Variants in CMTR2 observed in about 807,000 individuals in gnomAD.
The protein encoded by CMTR2 is cap methyltransferase 2.
Under a neutral mutation model 49.8 loss-of-function variants are expected in CMTR2, and 40 were observed. The observed-to-expected ratio is 0.80, with a 90% CI of 0.62 to 1.04. The LOEUF (loss-of-function observed/expected upper bound fraction) is 1.04, where lower values mean the gene tolerates loss of function less well. CMTR2 is among the 50% of genes least tolerant of loss of function. CMTR2 has a pLI of 0.00. For synonymous variants in CMTR2, 326 were observed against 315.8 expected (o/e 1.03, Z -0.34); for missense variants, 907 against 897.2 (o/e 1.01, Z -0.14).
At position 71,283,523 on chromosome 16, in the gene CMTR2, A is replaced by G. The variant is rs776712603; in HGVS notation, c.*85T>C. 2.1e-6 allele frequency: 3 copies of G among 1,456,230 alleles called. No homozygotes were observed. Among genetic ancestry groups the G allele is most frequent in the Non-Finnish European group, 2.8e-6 (3 of 1,090,570 alleles). The allele number at this position is 1,456,230 out of a possible 1,614,324, so 90.2% of individuals were successfully genotyped here. ...AATGTTGGCCTTTCCCCAAAATAAA[A>G]GGTTTTTAAATTAATAGAGCAACAG... On this transcript the variant is annotated 3_prime_UTR_variant, in exon 3 of 3. Transcript: ENST00000434935.
At position 71,282,725 on chromosome 16, in the gene CMTR2, T is replaced by C. The variant is rs777280940; in HGVS notation, c.*883A>G. On this transcript the variant is annotated 3_prime_UTR_variant, in exon 3 of 3. Transcript: ENST00000434935. ...AAAGTCTGAAGCGTTTTCTTTAGTA[T>C]TCACTATGTTCATCACATTCATGTG... 3.9e-5 allele frequency: 6 copies of C among 152,262 alleles called. No homozygotes were observed. Among genetic ancestry groups the C allele is most frequent in the Non-Finnish European group, 8.8e-5 (6 of 67,988 alleles). 9.4% of individuals were successfully genotyped at this position (152,262 alleles called of 1,614,324 possible).
rs901621817 is a variant in CMTR2, at chr16:71,281,444, G to A, written c.*2164C>T. On this transcript the variant is annotated 3_prime_UTR_variant, in exon 3 of 3. Transcript: ENST00000434935. Reference sequence around the variant, plus strand: ...ACAAATTAAAAATCTCAAAACCTGTGGAAAAAAGTTTTTAAGAACAGTCTA... The same window carrying A: ...ACAAATTAAAAATCTCAAAACCTGTAGAAAAAAGTTTTTAAGAACAGTCTA... 6.6e-6 allele frequency: 1 copy of A among 151,752 alleles called. No homozygotes were observed. The highest frequency in any genetic ancestry group is 1.5e-5 in the Non-Finnish European group (1 of 67,776). 9.4% of individuals were successfully genotyped at this position (151,752 alleles called of 1,614,324 possible).
Position 71,281,560 on chromosome 16 carries a change from TAA to T in CMTR2, c.*2046_*2047del, listed in dbSNP as rs1452269793. On this transcript the variant is annotated 3_prime_UTR_variant, in exon 3 of 3. Transcript: ENST00000434935. Reference sequence around the variant, plus strand: ...ATAGCATTTTTCCTCTCCTTTCTCTTAAAGAGAAACTCATATAAATCATTAGT... The same window carrying T: ...ATAGCATTTTTCCTCTCCTTTCTCTTAGAGAAACTCATATAAATCATTAGT... The T allele has an allele frequency of 6.6e-6, 1 of 151,986 alleles. No homozygotes were observed. The highest frequency in any genetic ancestry group is 1.5e-5 in the Non-Finnish European group (1 of 67,862). The allele number at this position is 151,986 out of a possible 1,614,324, so 9.4% of individuals were successfully genotyped here. A position where few individuals can be genotyped will look rare whatever the true frequency, so the allele number is the denominator to read the frequency against.
Position 71,285,289 on chromosome 16 carries a change from A to G in CMTR2, c.632T>C (p.Met211Thr). 6.2e-7 allele frequency: 1 copy of G among 1,614,206 alleles called. No homozygotes were observed. Reference protein sequence around the residue: ...YFGPDNTGDIMTLKFLTGLQN... With the variant: ...YFGPDNTGDITTLKFLTGLQN... ...AAGTCCAGTCAAGAATTTCAGGGTCATGATATCACCAGTGTTATCTGGACC... is the reference window on the plus strand; with the variant it reads ...AAGTCCAGTCAAGAATTTCAGGGTCGTGATATCACCAGTGTTATCTGGACC... Residue 211 changes from methionine to threonine, a missense_variant, in exon 3 of 3, where the codon ATG (methionine) becomes ACG (threonine). Coordinates refer to ENST00000434935, the MANE Select transcript of CMTR2 (RefSeq NM_018348.6).
At chr16:71,286,444 CG>C (rs113844392) in intron 2 of CMTR2, 42,972 of 145,580 alleles carry the variant, frequency 0.3, 7,274 homozygotes, top group Non-Finnish European at 0.39. Flanking sequence ...TGTGACTTTT[CG>C]TTTTTTTTTT....
At chr16:71,288,699 G>A (rs924143412) in intron 2 of CMTR2, 179 bp downstream of exon 2, 1 of 150,676 alleles carries the variant, frequency 6.6e-6, no homozygotes, top group Non-Finnish European at 1.5e-5. Context: ...AAATTTTCCA[G>A]TATATGATCC....
chr16:71,283,562 G>A lies in CMTR2; in HGVS notation c.*46C>T. 1 of 1,551,376 alleles carries A rather than the reference G, an allele frequency of 6.4e-7. No homozygotes were observed. ...ATAGAGCAACAGGATGCAAATACTGGGCAAATTATAAGAAATCATAAAGTT... is the reference window on the plus strand; with the variant it reads ...ATAGAGCAACAGGATGCAAATACTGAGCAAATTATAAGAAATCATAAAGTT... On this transcript the variant is annotated 3_prime_UTR_variant, in exon 3 of 3. Transcript: ENST00000434935.
chr16:71,288,526 T>C (rs1424150144), intron 2 of CMTR2: 2 of 152,146 alleles, frequency 1.3e-5, no homozygotes, highest in African/African-American at 4.8e-5. Context: ...AAGCACTCAG[T>C]ATTACTGAAT....
chr16:71,283,838 G>C lies in CMTR2; in HGVS notation c.2083C>G (p.Pro695Ala), dbSNP rs761026424. 5 of 1,613,936 alleles carry C rather than the reference G, an allele frequency of 3.1e-6. No individual in the cohort carries two copies. In the South Asian group the frequency reaches 5.5e-5, roughly 18 times the overall value. The change falls in exon 3 of 3, where the codon CCA becomes GCA. Residue 695 changes from proline to alanine, a missense_variant. Physicochemically the swap from Pro to Ala is conservative, Grantham distance 27. Transcript: ENST00000434935. ...TGCAAATATCGGAAAACTGGATTTG[G>C]AAGGTCCTGATAACCAACACATAGC... ...VLLCVGYQDL[P>A]NPVFRYLQSV...
Position 71,284,907 on chromosome 16 carries a change from C to T in CMTR2, c.1014G>A (p.Gly338=), listed in dbSNP as rs756899464. The part of the protein sequence containing the change: ...PLLSKMTLNF[G]TEMKRKALFP... ...AAAGGGCTTTCCTTTTCATTTCAGT[C>T]CCAAAATTCAAGGTCATCTTAGATA... is the stretch of plus-strand genomic sequence containing the variant. The change falls in exon 3 of 3, where the codon GGG becomes GGA. Residue 338 remains glycine, a synonymous_variant. Transcript: ENST00000434935. 31 of 1,613,920 alleles carry T rather than the reference C, an allele frequency of 1.9e-5. No homozygotes were observed. In the East Asian group the frequency reaches 6.7e-4, roughly 35 times the overall value.
At position 71,283,985 on chromosome 16, in the gene CMTR2, G is replaced by A; in HGVS notation, c.1936C>T (p.Pro646Ser). The A allele has an allele frequency of 6.2e-7, 1 of 1,613,972 alleles. No individual in the cohort carries two copies. Among genetic ancestry groups the A allele is most frequent in the East Asian group, 2.2e-5 (1 of 44,886 alleles). The change falls in exon 3 of 3, where the codon CCT (proline) becomes TCT (serine). Residue 646 changes from proline to serine, a missense_variant. By Grantham distance (74) the Pro-to-Ser change is moderately conservative. Transcript: ENST00000434935. Reference protein sequence around the residue: ...ELHTGDVMILPVLSCFTRFMA... With the variant: ...ELHTGDVMILSVLSCFTRFMA... ...AATCTTGTGAAGCAAGAAAGTACAG[G>A]CAAAATCATAACATCTCCTGTATGA...
Position 71,284,357 on chromosome 16 carries a change from CT to C in CMTR2, c.1563del (p.Ala522GlnfsTer6). On this transcript the variant is annotated frameshift_variant, in exon 3 of 3. Transcript: ENST00000434935. LOFTEE classifies it high-confidence loss of function. ...CNGEILKTLN[E>X]AIEKSLGGAF... ...GCTCCTCCTAATGACTTTTCAATTG[CT>C]TCATTAAGAGTTTTTAAAATTTCAC... The C allele has an allele frequency of 6.2e-7, 1 of 1,613,274 alleles. No individual in the cohort carries two copies. The highest frequency in any genetic ancestry group is 8.5e-7 in the Non-Finnish European group (1 of 1,179,740).
Position 71,283,606 on chromosome 16 carries a change from G to A in CMTR2, c.*2C>T, listed in dbSNP as rs146092389. The A allele has an allele frequency of 1.2e-6, 2 of 1,605,290 alleles. No individual in the cohort carries two copies. Among genetic ancestry groups the A allele is most frequent in the African/African-American group, 1.3e-5 (1 of 74,484 alleles). On this transcript the variant is annotated 3_prime_UTR_variant, in exon 3 of 3. Coordinates refer to ENST00000434935, the MANE Select transcript of CMTR2 (RefSeq NM_018348.6). ...TAAAGTTGAATCTCAGAAAGCATAT[G>A]TTCAGTTTTGTAACTGAAGGCTGTT...
At chr16:71,286,280 A>G (rs1372780611) in intron 2 of CMTR2, among the ~76,000 whole-genome samples, 1 of 152,052 alleles carries the variant, frequency 6.6e-6, no homozygotes, top group Non-Finnish European at 1.5e-5. Context: ...AAGCATAATC[A>G]TCAGTGAATG....
chr16:71,284,442 T>C lies in CMTR2; in HGVS notation c.1479A>G (p.Leu493=). Residue 493 remains leucine, a synonymous_variant, in exon 3 of 3, where the codon TTA becomes TTG. Coordinates refer to ENST00000434935, the MANE Select transcript of CMTR2 (RefSeq NM_018348.6). The part of the protein sequence containing the change: ...EGTASNLECH[L]WHILEGKKLP... ...GTTTCTTTCCCTCCAAAATATGCCA[T>C]AAGTGACACTCAAGATTGGAAGCTG... is the stretch of plus-strand genomic sequence containing the variant. The C allele has an allele frequency of 6.2e-7, 1 of 1,614,002 alleles. No individual in the cohort carries two copies. Among genetic ancestry groups the C allele is most frequent in the Non-Finnish European group, 8.5e-7 (1 of 1,179,978 alleles).
chr16:71,289,657 A>C (rs956509692), upstream of CMTR2: 1 of 4,192 alleles, frequency 2.4e-4, no homozygotes, highest in East Asian at 6.4e-3. Flanking sequence ...GGGGAGGGGG[A>C]GGGGGAGGGA....
chr16:71,285,587 T>C lies in CMTR2; in HGVS notation c.334A>G (p.Thr112Ala). 1 of 1,614,100 alleles carries C rather than the reference T, an allele frequency of 6.2e-7. No homozygotes were observed. Among genetic ancestry groups the C allele is most frequent in the East Asian group, 2.2e-5 (1 of 44,892 alleles). Residue 112 changes from threonine (T) to alanine (A), a missense_variant, in exon 3 of 3, where the codon ACT becomes GCT. Thr to Ala is a moderately conservative substitution (Grantham distance 58, BLOSUM62 0). Coordinates refer to ENST00000434935, the MANE Select transcript of CMTR2 (RefSeq NM_018348.6). ...TCATGGAACTTACACCATGCTTGAG[T>C]ACAAAGTTCAGCATTCACAGATTTT... ...VRKSVNAELC[T>A]QAWCKFHEIL...
In CMTR2 at chr16:71,284,588, T is replaced by C; in HGVS notation, c.1333A>G (p.Asn445Asp). The stretch of plus-strand genomic sequence containing the variant: ...AGGGCTTCTAGCATCTTCCTTTCAT[T>C]ATAAGTTTTAAAATATTTGTTCCTC... ...GQRNKYFKTY[N>D]ERKMLEALSW... is the part of the protein sequence containing the mutation. Residue 445 changes from asparagine to aspartate, a missense_variant, in exon 3 of 3, where the codon AAT becomes GAT. By Grantham distance (23) the Asn-to-Asp change is conservative. Coordinates refer to ENST00000434935, the MANE Select transcript of CMTR2 (RefSeq NM_018348.6). The C allele has an allele frequency of 6.2e-7, 1 of 1,613,742 alleles. No individual in the cohort carries two copies. Among genetic ancestry groups the C allele is most frequent in the Non-Finnish European group, 8.5e-7 (1 of 1,179,796 alleles).
At position 71,284,716 on chromosome 16, in the gene CMTR2, T is replaced by C. The variant is rs1258924516; in HGVS notation, c.1205A>G (p.Gln402Arg). Reference sequence around the variant, plus strand: ...CAGTTGAAATTTTTGCATAAAATATTGTATAGCACAATCCCTTAAATTATT... The same window carrying C: ...CAGTTGAAATTTTTGCATAAAATATCGTATAGCACAATCCCTTAAATTATT... ...KLNNLRDCAIQYFMQKFQLKH... is the reference protein window; with the variant it reads ...KLNNLRDCAIRYFMQKFQLKH... Residue 402 changes from glutamine (Q) to arginine (R), a missense_variant, in exon 3 of 3, where the codon CAA becomes CGA. Transcript: ENST00000434935. 7 of 1,613,188 alleles carry C rather than the reference T, an allele frequency of 4.3e-6. No homozygotes were observed. Among genetic ancestry groups the C allele is most frequent in the Non-Finnish European group, 4.2e-6 (5 of 1,179,574 alleles).
Sources: allele counts gnomAD v4.1 joint callset (sites outside exome capture counted in the v4.1 genomes callset), GRCh38; gene constraint gnomAD v4.1.1; transcripts MANE v1.5; gene names NCBI Gene and HGNC (gene_info 2026-07-23, HGNC 2026-07-21).